Variants in TBC1D22A observed in about 807,000 individuals in gnomAD.
TBC1D22A encodes TBC1 domain family member 22A.
A neutral mutation model predicts 60.2 loss-of-function variants in TBC1D22A; 38 were observed. The ratio of observed to expected loss-of-function variants is 0.63; its 90% confidence interval spans 0.49 to 0.83. TBC1D22A has a LOEUF of 0.83. Among genes scored for constraint, TBC1D22A ranks in the 40% least tolerant of loss-of-function variants. TBC1D22A has a pLI of 0.00. For synonymous variants in TBC1D22A, 302 were observed against 281.7 expected, an observed-to-expected ratio of 1.07 and a Z score of -0.72; for missense variants, 628 against 701.0, an observed-to-expected ratio of 0.90 and a Z score of 1.18.
intron 9 of TBC1D22A, among the ~76,000 whole-genome samples, chr22:46,993,943 C>CG (rs1467788250): frequency 2.0e-5 from 3 of 152,210 alleles, no homozygotes; most frequent in Admixed American, 6.5e-5. Context: ...GCCTCGCCCT[C>CG]GGGGGGTGGG....
intron 4 of TBC1D22A, among the ~76,000 whole-genome samples, chr22:46,832,134 T>C (rs2086336296): frequency 6.6e-6 from 1 of 152,198 alleles, no homozygotes; most frequent in Admixed American, 6.5e-5. Flanking sequence ...TTGGGCAGGA[T>C]GTCTGGCCTG....
chr22:47,074,339 A>G (rs1182553364), intron 11 of TBC1D22A, among the ~76,000 whole-genome samples: 1 of 152,206 alleles, frequency 6.6e-6, no homozygotes, highest in East Asian at 1.9e-4. Flanking sequence ...AATGTGTGTC[A>G]ACACATCTAT....
intron 8 of TBC1D22A, chr22:46,913,634 A>G (rs2070127466): frequency 6.1e-6 from 6 of 985,332 alleles, no homozygotes; most frequent in Non-Finnish European, 7.2e-6. Flanking sequence ...ACAGATAATG[A>G]AAATGCTCTT....
Position 47,111,534 on chromosome 22 carries a change from C to T in TBC1D22A, c.1356C>T (p.Phe452=). The part of the protein sequence containing the change: ...YQSEPDGFSH[F]HLYVCAAFLV... ...CTGAACCGGACGGCTTTTCTCATTT[C>T]CACTTGTACGTGTGCGCTGCTTTTC... The change falls in exon 12 of 13, where the codon TTC becomes TTT. Residue 452 remains phenylalanine, a synonymous_variant. Transcript: ENST00000337137. The T allele has an allele frequency of 1.2e-6, 2 of 1,613,996 alleles. No individual in the cohort carries two copies. Among genetic ancestry groups the T allele is most frequent in the Non-Finnish European group, 8.5e-7 (1 of 1,179,984 alleles).
intron 1 of TBC1D22A, among the ~76,000 whole-genome samples, chr22:46,791,223 T>C (rs780782550): frequency 3.9e-5 from 6 of 152,136 alleles, no homozygotes; most frequent in Admixed American, 1.3e-4. Context: ...GGTTTCGCCA[T>C]GTTGCCCAGG....
At position 47,028,890 on chromosome 22, in the gene TBC1D22A, G is replaced by T. The variant is rs1401865639; in HGVS notation, c.1202-8181G>T. ...ACGATCCTGACACTAACATCCCAGA[G>T]TTGGTGTCAGACTCTATGAGCTAAG... On this transcript the variant is annotated intron_variant, in intron 10 of 12. Coordinates refer to ENST00000337137, the MANE Select transcript of TBC1D22A (RefSeq NM_014346.5). The surrounding 1 kb of genome is among the most constrained non-coding windows in gnomAD (Gnocchi z 4.4). Among the ~76,000 whole-genome samples the T allele has an allele frequency of 5.3e-5, 8 of 150,570 alleles. No individual in the cohort carries two copies.
chr22:46,804,836 GTC>G, intron 4 of TBC1D22A, among the ~76,000 whole-genome samples: 1 of 152,296 alleles, frequency 6.6e-6, no homozygotes, highest in Non-Finnish European at 1.5e-5. Context: ...GAGTTTGTAA[GTC>G]TTTGGTATGG....
chr22:46,853,597 C>T (rs1450127831), intron 4 of TBC1D22A, among the ~76,000 whole-genome samples: 5 of 152,166 alleles, frequency 3.3e-5, no homozygotes, highest in African/African-American at 4.8e-5. Context: ...GTGCTGTTTC[C>T]CTTAAAATCT....
At chr22:47,163,803 G>A (rs148717912) in intron 12 of TBC1D22A, among the ~76,000 whole-genome samples, 203 of 152,316 alleles carry the variant, frequency 1.3e-3, no homozygotes, top group African/African-American at 4.7e-3. Flanking sequence ...CCTGCACCAC[G>A]GGGTCGTTTC....
intron 2 of TBC1D22A, 67 bp downstream of exon 2, chr22:46,792,643 C>G (rs997996722): frequency 6.2e-7 from 1 of 1,612,890 alleles, no homozygotes; most frequent in South Asian, 1.1e-5. Context: ...CAACCCCGGT[C>G]TTCCTGCTTC....
intron 12 of TBC1D22A, among the ~76,000 whole-genome samples, chr22:47,120,687 T>C (rs1413860032): frequency 2.0e-5 from 3 of 152,224 alleles, no homozygotes; most frequent in Admixed American, 6.5e-5. Context: ...ACAGACAAAA[T>C]GGCCCTTGTA....
chr22:46,972,443 G>A (rs1033299060), intron 8 of TBC1D22A, among the ~76,000 whole-genome samples: 1 of 152,230 alleles, frequency 6.6e-6, no homozygotes, highest in African/African-American at 2.4e-5. Flanking sequence ...CCTGGCCGTA[G>A]GGGTGCGGCT....
chr22:47,052,129 A>G (rs1380538006), intron 11 of TBC1D22A, among the ~76,000 whole-genome samples: 1 of 152,230 alleles, frequency 6.6e-6, no homozygotes, highest in Admixed American at 6.5e-5. Flanking sequence ...ACATGGGTTC[A>G]TTTGGAGAGC....
At chr22:46,997,806 T>A (rs2075171793) in intron 10 of TBC1D22A, 97 bp downstream of exon 10, 1 of 1,118,110 alleles carries the variant, frequency 8.9e-7, no homozygotes, top group Non-Finnish European at 1.3e-6. Context: ...GCCGGCAGCA[T>A]CCTGGCCTGC....
intron 11 of TBC1D22A, among the ~76,000 whole-genome samples, chr22:47,069,960 G>A (rs997240442): frequency 0.012 from 1,276 of 108,840 alleles, 71 homozygotes; most frequent in African/African-American, 0.025. Context: ...CGGTCCCAGC[G>A]CTGTCCCCTG....
chr22:47,055,504 C>T (rs151268859), intron 11 of TBC1D22A, among the ~76,000 whole-genome samples: 346 of 152,302 alleles, frequency 2.3e-3, no homozygotes, highest in African/African-American at 7.8e-3. Flanking sequence ...GGGGTATGTA[C>T]ATTTGTGATA....
At position 46,974,283 on chromosome 22, in the gene TBC1D22A, C is replaced by T. The variant is rs764977991; in HGVS notation, c.1016-7C>T. Reference sequence around the variant, plus strand: ...TCCTTGTCTTTTGCATGCTCGGCGCCGCCCAGAGGCAGAGGAGGTGGACAC... The same window carrying T: ...TCCTTGTCTTTTGCATGCTCGGCGCTGCCCAGAGGCAGAGGAGGTGGACAC... On this transcript the variant is annotated splice_polypyrimidine_tract_variant and splice_region_variant and intron_variant, in intron 8 of 12. Coordinates refer to ENST00000337137, the MANE Select transcript of TBC1D22A (RefSeq NM_014346.5). The T allele has an allele frequency of 4.2e-5, 66 of 1,584,318 alleles. No individual in the cohort carries two copies. Among genetic ancestry groups the T allele is most frequent in the Admixed American group, 3.2e-4 (18 of 55,454 alleles).
chr22:47,170,301 G>A (rs1441881781), intron 12 of TBC1D22A, among the ~76,000 whole-genome samples: 2 of 152,064 alleles, frequency 1.3e-5, no homozygotes, highest in African/African-American at 4.8e-5. Context: ...GTAATGGGAG[G>A]GTACTGCTTC....
At chr22:47,004,935 T>C (rs564916411) in intron 10 of TBC1D22A, among the ~76,000 whole-genome samples, 1 of 151,818 alleles carries the variant, frequency 6.6e-6, no homozygotes, top group African/African-American at 2.4e-5. Flanking sequence ...CCTACATACA[T>C]ATCCCTATAT....
Sources: allele counts gnomAD v4.1 joint callset (sites outside exome capture counted in the v4.1 genomes callset), GRCh38; gene constraint gnomAD v4.1.1; non-coding constraint Gnocchi (gnomAD v3.1); transcripts MANE v1.5; gene names NCBI Gene and HGNC (gene_info 2026-07-23, HGNC 2026-07-21).